The following RPSA2 variants were observed in gnomAD, a reference collection of about 807,000 sequenced individuals.
RPSA2 encodes ribosomal protein SA 2.
the RPSA2 span, chr19:23,832,803 C>A: frequency 6.3e-6 from 10 of 1,577,248 alleles, no homozygotes; most frequent in Admixed American, 1.7e-4. Flanking sequence ...AGAAACCCTA[C>A]AAATGTGAAG....
At chr19:23,817,928 T>G in the RPSA2 span, 42 of 152,274 alleles carry the variant, frequency 2.8e-4, no homozygotes, top group African/African-American at 8.7e-4. Flanking sequence ...GGAGTTGTTG[T>G]GAAGTAACCT....
At chr19:23,822,659 G>T in the RPSA2 span, among the ~76,000 whole-genome samples, 1 of 152,140 alleles carries the variant, frequency 6.6e-6, no homozygotes, top group Admixed American at 6.5e-5. Flanking sequence ...ATTGAAGGTG[G>T]CCTGCTTGAT....
chr19:23,778,312 A>G, the RPSA2 span, among the ~76,000 whole-genome samples: 2 of 152,148 alleles, frequency 1.3e-5, no homozygotes, highest in African/African-American at 4.8e-5. Context: ...TCCCAGGTTC[A>G]AGCGATTCTA....
chr19:23,828,936 G>GACACACACACACAC, the RPSA2 span, among the ~76,000 whole-genome samples: 117 of 148,370 alleles, frequency 7.9e-4, no homozygotes, highest in African/African-American at 2.6e-3. Flanking sequence ...CCTAATGTGA[G>GACACACACACACAC]ACACACACAC....
the RPSA2 span, among the ~76,000 whole-genome samples, chr19:23,861,777 ATAGCTAG>A: frequency 6.6e-6 from 1 of 152,170 alleles, no homozygotes; most frequent in East Asian, 1.9e-4. Context: ...GAGCTGTTGA[ATAGCTAG>A]GCTGTAATTT....
At chr19:23,849,055 G>C in the RPSA2 span, among the ~76,000 whole-genome samples, 2 of 152,310 alleles carry the variant, frequency 1.3e-5, no homozygotes, top group South Asian at 4.1e-4. Flanking sequence ...TCTTGAGCTC[G>C]AACCAACATT....
the RPSA2 span, among the ~76,000 whole-genome samples, chr19:23,784,925 T>A: frequency 6.6e-6 from 1 of 152,234 alleles, no homozygotes; most frequent in Non-Finnish European, 1.5e-5. Flanking sequence ...TTGTTACTCA[T>A]GTACTTAGAC....
At chr19:23,785,356 A>G in the RPSA2 span, among the ~76,000 whole-genome samples, 148,817 of 152,158 alleles carry the variant, frequency 0.98, 72,868 homozygotes, top group Middle Eastern at 1. Flanking sequence ...ACCTATAAAA[A>G]GGGAGGCTTC....
chr19:23,794,275 A>G, the RPSA2 span, among the ~76,000 whole-genome samples: 2 of 152,226 alleles, frequency 1.3e-5, no homozygotes, highest in South Asian at 2.1e-4. Context: ...AGGAATTACC[A>G]CACTGCTTTT....
chr19:23,779,182 A>G, the RPSA2 span, among the ~76,000 whole-genome samples: 1 of 151,510 alleles, frequency 6.6e-6, no homozygotes. Flanking sequence ...TTGTATTTTT[A>G]GTAGAGGCGG....
chr19:23,870,978 A>T, the RPSA2 span, among the ~76,000 whole-genome samples: 729 of 152,266 alleles, frequency 4.8e-3, 10 homozygotes, highest in African/African-American at 0.017. Context: ...GAGATTATCT[A>T]CTGGGACATC....
the RPSA2 span, among the ~76,000 whole-genome samples, chr19:23,866,454 A>T: frequency 6.6e-6 from 1 of 152,080 alleles, no homozygotes; most frequent in Non-Finnish European, 1.5e-5. Context: ...GAAAAACTGG[A>T]CATTTTAAAA....
At chr19:23,865,268 G>C in the RPSA2 span, among the ~76,000 whole-genome samples, 2 of 152,208 alleles carry the variant, frequency 1.3e-5, no homozygotes, top group Non-Finnish European at 2.9e-5. Flanking sequence ...AACATTATGT[G>C]CAGTTGCCTA....
At chr19:23,870,002 A>G in the RPSA2 span, among the ~76,000 whole-genome samples, 1 of 152,328 alleles carries the variant, frequency 6.6e-6, no homozygotes, top group South Asian at 2.1e-4. Flanking sequence ...GCACATTGCA[A>G]ACATGTAATA....
At chr19:23,827,195 G>C in the RPSA2 span, 6 of 968,222 alleles carry the variant, frequency 6.2e-6, no homozygotes, top group East Asian at 2.6e-5. Context: ...GCAAATGAAG[G>C]AGGAGGATGT....
the RPSA2 span, among the ~76,000 whole-genome samples, chr19:23,844,990 G>A: frequency 6.8e-6 from 1 of 148,034 alleles, no homozygotes; most frequent in Non-Finnish European, 1.5e-5. Context: ...GCTCTATCTT[G>A]GGAGGTTGTA....
At chr19:23,868,841 C>A in the RPSA2 span, among the ~76,000 whole-genome samples, 4 of 152,212 alleles carry the variant, frequency 2.6e-5, no homozygotes, top group South Asian at 8.3e-4. Context: ...CAACCATGGG[C>A]CCGGTCCCTC....
chr19:23,761,927 T>TCCTTCC, the RPSA2 span, among the ~76,000 whole-genome samples: 250 of 62,390 alleles, frequency 4.0e-3, 32 homozygotes, highest in African/African-American at 0.017. Flanking sequence ...TTTCTTTTTT[T>TCCTTCC]TTTTTTTTGA....
the RPSA2 span, among the ~76,000 whole-genome samples, chr19:23,758,555 C>T: frequency 2.0e-5 from 3 of 152,210 alleles, no homozygotes; most frequent in Non-Finnish European, 4.4e-5. Flanking sequence ...AGGACACAGT[C>T]ACTGAGCAGG....
Sources: gnomAD v4.1 joint callset for allele counts (sites outside exome capture counted in the v4.1 genomes callset) on GRCh38, gnomAD v4.1.1 for gene constraint, MANE v1.5 for transcripts, NCBI Gene and HGNC (gene_info 2026-07-23, HGNC 2026-07-21) for gene names.